Variants in ASTN2 observed in about 807,000 individuals in gnomAD.
ASTN2 encodes the protein astrotactin 2.
In ASTN2, 54 loss-of-function variants were observed where a neutral mutation model predicts 139.8. The ratio of observed to expected loss-of-function variants is 0.39; its 90% CI spans 0.31 to 0.48. The LOEUF is 0.48. Ranked by LOEUF, ASTN2 falls within the 20% of genes least tolerant of loss-of-function variation. The pLI is 0.95. For missense variants in ASTN2, 1,565 were observed against 1,725.1 expected (o/e 0.91, Z 1.64); for synonymous variants, 756 against 719.5 (o/e 1.05, Z -0.81).
At chr9:117,015,363 C>T (rs954865163) in intron 6 of ASTN2, among the ~76,000 whole-genome samples, 2 of 152,140 alleles carry the variant, frequency 1.3e-5, no homozygotes, top group Non-Finnish European at 2.9e-5. Flanking sequence ...TTGCCATTTG[C>T]TCCACTTAGT....
Position 117,254,586 on chromosome 9 carries a change from G to A in ASTN2, c.630+36740C>T, listed in dbSNP as rs190947040. Among the ~76,000 whole-genome samples the A allele has an allele frequency of 2.6e-4, 40 of 152,316 alleles. No individual in the cohort carries two copies. In the East Asian group the frequency reaches 7.3e-3, roughly 28 times the overall value. On this transcript the variant is annotated intron_variant, in intron 2 of 22. Transcript: ENST00000313400. ...ACTTAAGCAATAAAACAGGGGCACA[G>A]TTGACTACCATAACATAAAGCAGTG...
chr9:117,139,940 C>T (rs942099194), intron 4 of ASTN2, among the ~76,000 whole-genome samples: 7 of 152,144 alleles, frequency 4.6e-5, no homozygotes, highest in South Asian at 2.1e-4. Context: ...AGTACATAGT[C>T]GTTAAGTTAA....
chr9:116,790,256 C>G (rs1178812039), intron 13 of ASTN2, among the ~76,000 whole-genome samples: 1 of 152,234 alleles, frequency 6.6e-6, no homozygotes, highest in South Asian at 2.1e-4. Context: ...CCTCTTTCTC[C>G]TCTTCATAAT....
At chr9:117,217,208 G>C (rs140291827) in intron 2 of ASTN2, among the ~76,000 whole-genome samples, 20 of 152,186 alleles carry the variant, frequency 1.3e-4, no homozygotes, top group African/African-American at 4.1e-4. Flanking sequence ...TGTGCAATGG[G>C]TGCATCTTCT....
At chr9:117,274,032 T>C (rs1237804035) in intron 2 of ASTN2, among the ~76,000 whole-genome samples, 1 of 152,116 alleles carries the variant, frequency 6.6e-6, no homozygotes, top group Non-Finnish European at 1.5e-5. Flanking sequence ...TGGGCCTTTC[T>C]CCACTCAGGC....
chr9:117,009,058 C>T (rs1211581665), intron 6 of ASTN2, among the ~76,000 whole-genome samples: 1 of 152,090 alleles, frequency 6.6e-6, no homozygotes. Context: ...GTTTGGGACA[C>T]AATAAACACT....
Position 117,307,684 on chromosome 9 carries a change from A to G in ASTN2, c.443-16171T>C, listed in dbSNP as rs146129111. Among the ~76,000 whole-genome samples, 623 of 152,320 alleles carry G rather than the reference A, an allele frequency of 4.1e-3. 4 individuals are homozygous for G. The highest frequency in any genetic ancestry group is 0.014 in the African/African-American group (586 of 41,588). On this transcript the variant is annotated intron_variant, in intron 1 of 22. Coordinates refer to ENST00000313400, the MANE Select transcript of ASTN2 (RefSeq NM_001365068.1). Reference sequence around the variant, plus strand: ...CATGGCCACCTTCATGGGCAGACATATGCATATGTGCTCAGGCATGCACAT... The same window carrying G: ...CATGGCCACCTTCATGGGCAGACATGTGCATATGTGCTCAGGCATGCACAT...
At chr9:117,256,971 A>G (rs941038814) in intron 2 of ASTN2, among the ~76,000 whole-genome samples, 8 of 147,164 alleles carry the variant, frequency 5.4e-5, no homozygotes, top group Admixed American at 4.0e-4. Context: ...GTTTAGCTGG[A>G]AAAAAAAAAG....
chr9:116,861,979 T>C (rs1348883042), intron 11 of ASTN2, among the ~76,000 whole-genome samples: 1 of 151,090 alleles, frequency 6.6e-6, no homozygotes, highest in Non-Finnish European at 1.5e-5. Flanking sequence ...TCTTCTTTTT[T>C]TTTTTTTTTT....
At chr9:116,872,767 AG>A (rs1833199890) in intron 10 of ASTN2, among the ~76,000 whole-genome samples, 24 of 152,178 alleles carry the variant, frequency 1.6e-4, no homozygotes, top group Admixed American at 1.6e-3. Flanking sequence ...AAGAAATTCT[AG>A]GGAGAAGGAA....
At chr9:116,811,785 T>C (rs1831173854) in intron 12 of ASTN2, among the ~76,000 whole-genome samples, 1 of 152,236 alleles carries the variant, frequency 6.6e-6, no homozygotes, top group Non-Finnish European at 1.5e-5. Flanking sequence ...GTTATTGTTG[T>C]TGTTACTTAG....
chr9:117,344,017 C>G (rs988080289), intron 1 of ASTN2, among the ~76,000 whole-genome samples: 1 of 152,074 alleles, frequency 6.6e-6, no homozygotes, highest in African/African-American at 2.4e-5. Flanking sequence ...GCATCTCTGT[C>G]TTAGATGTTA....
At chr9:116,892,563 C>A (rs1193298231) in intron 10 of ASTN2, among the ~76,000 whole-genome samples, 1 of 151,472 alleles carries the variant, frequency 6.6e-6, no homozygotes. Flanking sequence ...AAGCTGGTCC[C>A]GGTCAGATTG....
At chr9:117,334,487 T>TC (rs1473644347) in intron 1 of ASTN2, among the ~76,000 whole-genome samples, 1 of 150,684 alleles carries the variant, frequency 6.6e-6, no homozygotes, top group African/African-American at 2.4e-5. Flanking sequence ...ATCAGGGCTT[T>TC]TTTTTTTTTT....
At chr9:116,536,469 T>A (rs1430423228) in intron 19 of ASTN2, among the ~76,000 whole-genome samples, 1 of 152,204 alleles carries the variant, frequency 6.6e-6, no homozygotes, top group Non-Finnish European at 1.5e-5. Flanking sequence ...GCTCTGCTTT[T>A]TCCCCATCTT....
At chr9:116,885,022 C>A (rs370935040) in intron 10 of ASTN2, among the ~76,000 whole-genome samples, 5 of 151,934 alleles carry the variant, frequency 3.3e-5, no homozygotes, top group African/African-American at 1.2e-4. Flanking sequence ...TCACAAATTT[C>A]CCCTTTTTAT....
chr9:116,776,712 G>T (rs1324023006), intron 13 of ASTN2, among the ~76,000 whole-genome samples: 1 of 152,090 alleles, frequency 6.6e-6, no homozygotes, highest in Non-Finnish European at 1.5e-5. Flanking sequence ...AGCTTGGAGA[G>T]TGCTGGCAAT....
chr9:116,641,618 G>A (rs1857333323), intron 17 of ASTN2, among the ~76,000 whole-genome samples: 1 of 152,090 alleles, frequency 6.6e-6, no homozygotes, highest in East Asian at 1.9e-4. Flanking sequence ...TTTATTGCAT[G>A]TAATAACTAA....
Position 117,214,346 on chromosome 9 carries a change from T to C in ASTN2, c.1015+12A>G. 3 of 1,566,372 alleles carry C rather than the reference T, an allele frequency of 1.9e-6. No individual in the cohort carries two copies. Among genetic ancestry groups the C allele is most frequent in the African/African-American group, 2.7e-5 (2 of 74,442 alleles). On this transcript the variant is annotated intron_variant, in intron 3 of 22. Transcript: ENST00000313400. ...GCCCCCTGGAAAATGGGCTGTGACATGGAGGACTCACCTTTCTTCTCAAAG... is the reference window on the plus strand; with the variant it reads ...GCCCCCTGGAAAATGGGCTGTGACACGGAGGACTCACCTTTCTTCTCAAAG...
Sources: allele counts gnomAD v4.1 joint callset (sites outside exome capture counted in the v4.1 genomes callset), GRCh38; gene constraint gnomAD v4.1.1; transcripts MANE v1.5; gene names NCBI Gene and HGNC (gene_info 2026-07-23, HGNC 2026-07-21).